Variants in TBC1D23 observed in about 807,000 individuals in gnomAD.
The protein encoded by TBC1D23 is TBC1 domain family member 23.
TBC1D23 carries 55 observed loss-of-function variants against 91.4 expected under a neutral mutation model. That is an observed-to-expected ratio of 0.60 (90% CI 0.48 to 0.75). The LOEUF is 0.75. TBC1D23 is among the 30% of genes least tolerant of loss of function. The probability of loss-of-function intolerance (pLI) is 0.00; values close to 1 mark genes in which losing one functional copy is unlikely to be tolerated. For missense variants in TBC1D23, 725 were observed against 836.1 expected (o/e 0.87, Z 1.64); for synonymous variants, 289 against 281.0 (o/e 1.03, Z -0.28).
chr3:100,291,410 T>C (rs1311186621), intron 5 of TBC1D23, among the ~76,000 whole-genome samples: 1 of 152,050 alleles, frequency 6.6e-6, no homozygotes, highest in African/African-American at 2.4e-5. Context: ...TGGCGAAACT[T>C]GTCTCTACTA....
At chr3:100,298,103 A>C (rs1180160878) in intron 9 of TBC1D23, 58 bp downstream of exon 9, 4 of 1,483,200 alleles carry the variant, frequency 2.7e-6, no homozygotes, top group Non-Finnish European at 3.7e-6. Flanking sequence ...CAAGGAACCA[A>C]CTTCCTCCCT....
chr3:100,313,341 A>G (rs1045252025), intron 15 of TBC1D23, among the ~76,000 whole-genome samples: 2 of 152,214 alleles, frequency 1.3e-5, no homozygotes, highest in Admixed American at 6.5e-5. Flanking sequence ...TCTAATGAGA[A>G]GTTAGAATGA....
At chr3:100,317,241 T>C (rs1333011936) in intron 16 of TBC1D23, among the ~76,000 whole-genome samples, 1 of 152,168 alleles carries the variant, frequency 6.6e-6, no homozygotes, top group Admixed American at 6.5e-5. Flanking sequence ...GGAAAAAATA[T>C]ATAAATGTAC....
intron 5 of TBC1D23, among the ~76,000 whole-genome samples, chr3:100,293,126 T>C (rs1440667417): frequency 6.9e-6 from 1 of 144,866 alleles, no homozygotes; most frequent in African/African-American, 2.5e-5. Context: ...TGTTTGTTTG[T>C]TTACTTATTT....
intron 13 of TBC1D23, among the ~76,000 whole-genome samples, chr3:100,309,610 C>CTTTTTTTTTTTTTTTTTTTTTTTTTT (rs71132518): frequency 8.6e-6 from 1 of 116,124 alleles, no homozygotes; most frequent in African/African-American, 3.2e-5. Context: ...ATTCTACCTT[C>CTTTTTTTTTTTTTTTTTTTTTTTTTT]TTTTTTTTTT....
At chr3:100,273,149 A>G (rs2067614737) in intron 1 of TBC1D23, among the ~76,000 whole-genome samples, 1 of 152,246 alleles carries the variant, frequency 6.6e-6, no homozygotes, top group Non-Finnish European at 1.5e-5. Context: ...TCCTAGGCAG[A>G]GGTCCCTGCA....
chr3:100,320,116 C>T (rs1489279780), intron 17 of TBC1D23, among the ~76,000 whole-genome samples: 2 of 151,974 alleles, frequency 1.3e-5, no homozygotes, highest in Admixed American at 6.6e-5. Flanking sequence ...AGAACTCATC[C>T]CCCCACCCCC....
intron 1 of TBC1D23, among the ~76,000 whole-genome samples, chr3:100,276,044 C>G (rs1302339639): frequency 6.7e-6 from 1 of 148,484 alleles, no homozygotes; most frequent in Non-Finnish European, 1.5e-5. Context: ...CGAGTGACTG[C>G]TAATGGGTAT....
At chr3:100,270,372 G>T (rs928223423) in intron 1 of TBC1D23, among the ~76,000 whole-genome samples, 7 of 152,186 alleles carry the variant, frequency 4.6e-5, no homozygotes, top group African/African-American at 1.7e-4. Flanking sequence ...GACGAGAGCT[G>T]AGAAAGATGA....
intron 1 of TBC1D23, among the ~76,000 whole-genome samples, chr3:100,267,039 G>A (rs1474214518): frequency 1.3e-5 from 2 of 152,166 alleles, no homozygotes; most frequent in African/African-American, 4.8e-5. Context: ...TTTACAATCA[G>A]GAATGTGCAT....
intron 5 of TBC1D23, 44 bp downstream of exon 5, chr3:100,290,745 T>A (rs770455243): frequency 2.6e-6 from 4 of 1,511,934 alleles, no homozygotes; most frequent in Admixed American, 2.1e-5. Context: ...AATAGATTTA[T>A]GTAAAGCTAT....
In TBC1D23 at chr3:100,260,998, G is replaced by C; in HGVS notation, c.-21G>C. ...AGCGCCGGATCCACTTTTCGGCAAA[G>C]TGACGTGGACGTCAACAGCAATGGC... On this transcript the variant is annotated 5_prime_UTR_variant, in exon 1 of 19. Transcript: ENST00000394144. 1 of 1,611,990 alleles carries C rather than the reference G, an allele frequency of 6.2e-7. No individual in the cohort carries two copies. Among genetic ancestry groups the C allele is most frequent in the Non-Finnish European group, 8.5e-7 (1 of 1,178,064 alleles).
chr3:100,272,405 T>G (rs1355251370), intron 1 of TBC1D23, among the ~76,000 whole-genome samples: 1 of 152,130 alleles, frequency 6.6e-6, no homozygotes, highest in Non-Finnish European at 1.5e-5. Context: ...GATAATGGCC[T>G]CCAGAGATGA....
chr3:100,280,708 A>G (rs1403156123), intron 2 of TBC1D23, among the ~76,000 whole-genome samples: 1 of 152,144 alleles, frequency 6.6e-6, no homozygotes, highest in Non-Finnish European at 1.5e-5. Flanking sequence ...AACTTGTATA[A>G]TGAACTCCCA....
intron 3 of TBC1D23, 57 bp from the exon 4 acceptor site, chr3:100,283,550 C>A: frequency 8.7e-7 from 1 of 1,143,846 alleles, no homozygotes; most frequent in South Asian, 1.3e-5. Context: ...AGTGTTATGT[C>A]CAATAACAGC....
intron 15 of TBC1D23, among the ~76,000 whole-genome samples, chr3:100,313,671 C>G (rs1705670641): frequency 6.6e-6 from 1 of 152,050 alleles, no homozygotes; most frequent in Non-Finnish European, 1.5e-5. Context: ...AAACATTTAT[C>G]TTTGTTACTT....
chr3:100,273,240 ATC>A (rs1244153757), intron 1 of TBC1D23, among the ~76,000 whole-genome samples: 1 of 152,204 alleles, frequency 6.6e-6, no homozygotes, highest in East Asian at 1.9e-4. Context: ...GCCTTCAAGC[ATC>A]TGTTTAACAA....
intron 10 of TBC1D23, among the ~76,000 whole-genome samples, chr3:100,301,382 A>T (rs1427428339): frequency 6.6e-6 from 1 of 152,138 alleles, no homozygotes; most frequent in Non-Finnish European, 1.5e-5. Context: ...TACCAGAGTG[A>T]TGAGTGAAAA....
intron 1 of TBC1D23, among the ~76,000 whole-genome samples, chr3:100,272,950 G>C (rs1032816341): frequency 5.3e-5 from 8 of 152,150 alleles, no homozygotes; most frequent in Non-Finnish European, 1.2e-4. Flanking sequence ...CCATTGCCCA[G>C]GGACGGGCAG....
Sources: allele counts gnomAD v4.1 joint callset (sites outside exome capture counted in the v4.1 genomes callset), GRCh38; gene constraint gnomAD v4.1.1; transcripts MANE v1.5; gene names NCBI Gene and HGNC (gene_info 2026-07-23, HGNC 2026-07-21).